The following ANKFN1 variants were observed in gnomAD, a reference collection of about 807,000 sequenced individuals.
ANKFN1 encodes the protein ankyrin repeat and fibronectin type-III domain-containing protein 1.
A neutral mutation model predicts 108.7 loss-of-function variants in ANKFN1; 74 were observed. That is an observed-to-expected ratio of 0.68 (90% CI 0.56 to 0.83). The LOEUF is 0.83. ANKFN1 is among the 40% of genes least tolerant of loss of function. The probability of loss-of-function intolerance (pLI) is 0.00; values close to 1 mark genes in which losing one functional copy is unlikely to be tolerated. For missense variants in ANKFN1, 1,505 were observed against 1,382.3 expected, an observed-to-expected ratio of 1.09 and a Z score of -1.41; for synonymous variants, 547 against 516.2, an observed-to-expected ratio of 1.06 and a Z score of -0.81.
intron 2 of ANKFN1, among the ~76,000 whole-genome samples, chr17:56,213,962 C>T (rs999573625): frequency 1.3e-5 from 2 of 152,000 alleles, no homozygotes; most frequent in Admixed American, 1.3e-4. Flanking sequence ...TTCTTGTGCC[C>T]CAGGAAGCAA....
At chr17:56,118,243 T>A (rs933253666) in intron 4 of ANKFN1, among the ~76,000 whole-genome samples, 2 of 152,138 alleles carry the variant, frequency 1.3e-5, no homozygotes, top group Admixed American at 1.3e-4. Context: ...TGGATATACA[T>A]CTACAAGGGG....
chr17:56,260,640 T>A (rs1567869815), intron 3 of ANKFN1, among the ~76,000 whole-genome samples: 1 of 152,140 alleles, frequency 6.6e-6, no homozygotes, highest in Non-Finnish European at 1.5e-5. Context: ...AAAAAAGTAC[T>A]CGGTAAAGTA....
At chr17:56,433,668 G>A (rs1441410748) in intron 8 of ANKFN1, among the ~76,000 whole-genome samples, 1 of 152,066 alleles carries the variant, frequency 6.6e-6, no homozygotes, top group Non-Finnish European at 1.5e-5. Context: ...TGGACTTTGA[G>A]ACTCAAGGGG....
chr17:56,052,542 C>A (rs1407643439), intron 4 of ANKFN1, among the ~76,000 whole-genome samples: 1 of 152,152 alleles, frequency 6.6e-6, no homozygotes, highest in East Asian at 1.9e-4. Context: ...ACTTCTCAAT[C>A]TTTAGTGTAT....
upstream of ANKFN1, among the ~76,000 whole-genome samples, chr17:56,152,606 A>G (rs992788903): frequency 6.6e-6 from 1 of 151,984 alleles, no homozygotes; most frequent in Admixed American, 6.6e-5. Flanking sequence ...GCTTCAAAGT[A>G]CTCATCCTTG....
chr17:56,278,706 G>T (rs1231363677), intron 3 of ANKFN1, among the ~76,000 whole-genome samples: 1 of 152,200 alleles, frequency 6.6e-6, no homozygotes, highest in Non-Finnish European at 1.5e-5. Flanking sequence ...ATAATTCTGA[G>T]AGTAGATGAC....
chr17:56,276,641 A>G (rs1486090181), intron 3 of ANKFN1, among the ~76,000 whole-genome samples: 2 of 152,110 alleles, frequency 1.3e-5, no homozygotes, highest in Non-Finnish European at 2.9e-5. Flanking sequence ...TTGGCTGCAT[A>G]AATGTCTTCT....
chr17:56,272,217 A>G (rs868328663), intron 3 of ANKFN1, among the ~76,000 whole-genome samples: 13 of 152,306 alleles, frequency 8.5e-5, no homozygotes, highest in Middle Eastern at 3.4e-3. Flanking sequence ...GTACATTGAT[A>G]TGATTGTACA....
chr17:56,203,309 C>T (rs1914217814), intron 1 of ANKFN1, among the ~76,000 whole-genome samples: 1 of 152,210 alleles, frequency 6.6e-6, no homozygotes, highest in South Asian at 2.1e-4. Flanking sequence ...ACACATCCCA[C>T]ACTTTTAATA....
intron 1 of ANKFN1, among the ~76,000 whole-genome samples, chr17:56,178,718 T>A (rs1264393445): frequency 6.6e-6 from 1 of 152,112 alleles, no homozygotes; most frequent in East Asian, 1.9e-4. Flanking sequence ...TTGAAAGGCA[T>A]GGGTCAAGGA....
chr17:56,455,112 T>C (rs994491826), intron 11 of ANKFN1, among the ~76,000 whole-genome samples: 1 of 152,204 alleles, frequency 6.6e-6, no homozygotes, highest in Non-Finnish European at 1.5e-5. Flanking sequence ...CTTTCTCCAC[T>C]GCTGTCTTTG....
chr17:56,417,248 T>C (rs1037914905), intron 8 of ANKFN1, among the ~76,000 whole-genome samples: 1 of 152,158 alleles, frequency 6.6e-6, no homozygotes, highest in African/African-American at 2.4e-5. Flanking sequence ...AAAGGACAAA[T>C]GCTTGAGGGA....
At chr17:56,140,476 C>T (rs977298196) in intron 4 of ANKFN1, among the ~76,000 whole-genome samples, 55 of 152,182 alleles carry the variant, frequency 3.6e-4, no homozygotes, top group Non-Finnish European at 7.6e-4. Context: ...TGCCATCCTG[C>T]AGCTGAAAGA....
At chr17:56,320,708 G>A (rs2045341321) in intron 3 of ANKFN1, among the ~76,000 whole-genome samples, 1 of 152,156 alleles carries the variant, frequency 6.6e-6, no homozygotes, top group Non-Finnish European at 1.5e-5. Context: ...ACAGCCCGGT[G>A]AGAGGCTGCT....
intron 4 of ANKFN1, among the ~76,000 whole-genome samples, chr17:56,094,734 A>T (rs62075429): frequency 1.4e-5 from 2 of 139,656 alleles, no homozygotes; most frequent in African/African-American, 2.7e-5. Flanking sequence ...GTTGGCCAGG[A>T]TGGTCTTGAT....
intron 3 of ANKFN1, among the ~76,000 whole-genome samples, chr17:56,268,512 C>G (rs1399366040): frequency 1.3e-5 from 2 of 152,008 alleles, no homozygotes; most frequent in Non-Finnish European, 2.9e-5. Context: ...AACATCATAC[C>G]TAGAGGAACT....
chr17:56,148,554 A>C (rs975234924), upstream of ANKFN1, among the ~76,000 whole-genome samples: 23 of 152,244 alleles, frequency 1.5e-4, no homozygotes, highest in Non-Finnish European at 2.8e-4. Flanking sequence ...AGTCGTTTAC[A>C]AGGGGACCTG....
intron 4 of ANKFN1, among the ~76,000 whole-genome samples, chr17:56,112,685 G>C (rs1906033530): frequency 6.6e-6 from 1 of 152,072 alleles, no homozygotes; most frequent in Non-Finnish European, 1.5e-5. Context: ...TATATATTTT[G>C]GTCTGCAACA....
chr17:56,406,567 A>G (rs1330744720), intron 8 of ANKFN1, among the ~76,000 whole-genome samples: 1 of 152,172 alleles, frequency 6.6e-6, no homozygotes, highest in African/African-American at 2.4e-5. Context: ...TAGAACCATA[A>G]ACCCTCTCTC....
Sources: gnomAD v4.1 joint callset for allele counts (sites outside exome capture counted in the v4.1 genomes callset) on GRCh38, gnomAD v4.1.1 for gene constraint, MANE v1.5 for transcripts, NCBI Gene and HGNC (gene_info 2026-07-23, HGNC 2026-07-21) for gene names.